Variants in WDR93 observed in about 807,000 individuals in gnomAD.
WDR93 encodes WD repeat domain 93.
Under a neutral mutation model 82.9 loss-of-function variants are expected in WDR93, and 73 were observed. The ratio of observed to expected loss-of-function variants is 0.88; its 90% confidence interval spans 0.73 to 1.07. The LOEUF is 1.07. WDR93 is among the 50% of genes least tolerant of loss of function. The probability of loss-of-function intolerance (pLI) is 0.00; values close to 1 mark genes in which losing one functional copy is unlikely to be tolerated. For missense variants in WDR93, 738 were observed against 826.0 expected, an observed-to-expected ratio of 0.89 and a Z score of 1.31; for synonymous variants, 283 against 300.1, an observed-to-expected ratio of 0.94 and a Z score of 0.59.
intron 5 of WDR93, among the ~76,000 whole-genome samples, chr15:89,712,394 A>AT (rs1177405888): frequency 1.6e-5 from 1 of 61,680 alleles, no homozygotes; most frequent in Admixed American, 1.3e-4. Context: ...TTTTCCACTA[A>AT]TCTTTTTTTT....
At chr15:89,702,452 A>G (rs541343932) in intron 2 of WDR93, among the ~76,000 whole-genome samples, 1 of 152,188 alleles carries the variant, frequency 6.6e-6, no homozygotes, top group South Asian at 2.1e-4. Context: ...GTTTTTCTCT[A>G]TTCTCTTTGC....
rs368632421 is a variant in WDR93 at position 89,712,898 on chromosome 15, G to A, written c.640+794G>A. ...CCAGCACTTTGGGAGGCCAAGGCAG[G>A]CGGATCACCTGAGGTCAGGAGTTCA... On this transcript the variant is annotated intron_variant, in intron 5 of 16. Coordinates refer to ENST00000268130, the MANE Select transcript of WDR93 (RefSeq NM_020212.2). 4.6e-3 allele frequency among the ~76,000 whole-genome samples: 703 copies of A among 152,204 alleles called. 3 individuals are homozygous for A. The highest frequency in any genetic ancestry group is 0.016 in the African/African-American group (662 of 41,528).
chr15:89,701,999 G>A lies in WDR93; in HGVS notation c.253G>A (p.Glu85Lys), dbSNP rs1279918216. 1 of 1,612,902 alleles carries A rather than the reference G, an allele frequency of 6.2e-7. No individual in the cohort carries two copies. The highest frequency in any genetic ancestry group is 8.5e-7 in the Non-Finnish European group (1 of 1,179,960). The stretch of plus-strand genomic sequence containing the variant: ...AGAGAGAAACGCACTGAGGGAAGCT[G>A]AGAGCAGCCAGATCCAGCCCACCGT... ...IEERNALREA[E>K]SSQIQPTVYP... The change falls in exon 2 of 17, where the codon GAG (glutamate) becomes AAG (lysine). Residue 85 changes from glutamate to lysine, a missense_variant. By Grantham distance (56) the Glu-to-Lys change is moderately conservative. Transcript: ENST00000268130.
chr15:89,703,060 G>T lies in WDR93; in HGVS notation c.414G>T (p.Trp138Cys). The change falls in exon 3 of 17, where the codon TGG becomes TGT. Residue 138 changes from tryptophan to cysteine, a missense_variant. By Grantham distance (215) the Trp-to-Cys change is radical (BLOSUM62 -2). Transcript: ENST00000268130. ...NLYSAKQIYAWEKLKVDVTSI... is the reference protein window; with the variant it reads ...NLYSAKQIYACEKLKVDVTSI... ...ACAGTGCTAAACAAATATATGCGTG[G>T]GAGAAGCTTAAGGTTGATGTCACTT... 1 of 1,614,172 alleles carries T rather than the reference G, an allele frequency of 6.2e-7. No individual in the cohort carries two copies. Among genetic ancestry groups the T allele is most frequent in the Non-Finnish European group, 8.5e-7 (1 of 1,180,032 alleles).
intron 12 of WDR93, 112 bp downstream of exon 12, chr15:89,731,674 A>T: frequency 6.9e-7 from 1 of 1,454,256 alleles, no homozygotes; most frequent in African/African-American, 1.4e-5. Context: ...TGTGTTCTTA[A>T]AGTCACCTTG....
chr15:89,728,038 G>A (rs12148220), intron 9 of WDR93, among the ~76,000 whole-genome samples: 53,849 of 151,810 alleles, frequency 0.35, 9,810 homozygotes, highest in African/African-American at 0.39. Flanking sequence ...GCGAGATCAC[G>A]CCACTGCACT....
rs1209341016 is a variant in WDR93 at position 89,743,445 on chromosome 15, G to A, written c.*54G>A. On this transcript the variant is annotated 3_prime_UTR_variant, in exon 17 of 17. Transcript: ENST00000268130. Reference sequence around the variant, plus strand: ...AGGAGGTTTCAGCCACGAGGCAGCTGCTCCCAGGACACTGAGGCCAAGAGA... The same window carrying A: ...AGGAGGTTTCAGCCACGAGGCAGCTACTCCCAGGACACTGAGGCCAAGAGA... The A allele has an allele frequency of 6.4e-7, 1 of 1,566,518 alleles. No individual in the cohort carries two copies. Among genetic ancestry groups the A allele is most frequent in the Non-Finnish European group, 8.8e-7 (1 of 1,139,668 alleles).
At chr15:89,720,454 G>A (rs1259802627) in intron 7 of WDR93, among the ~76,000 whole-genome samples, 1 of 152,022 alleles carries the variant, frequency 6.6e-6, no homozygotes, top group East Asian at 1.9e-4. Context: ...TGTATTTTTA[G>A]TAGAGATGGG....
At chr15:89,717,574 T>TA (rs1966321394) in intron 7 of WDR93, among the ~76,000 whole-genome samples, 1 of 152,216 alleles carries the variant, frequency 6.6e-6, no homozygotes, top group Admixed American at 6.5e-5. Flanking sequence ...GGCCCCTCAC[T>TA]TGGGCCCCTG....
chr15:89,723,263 A>C (rs1228890020), intron 8 of WDR93, among the ~76,000 whole-genome samples: 1 of 151,956 alleles, frequency 6.6e-6, no homozygotes, highest in Non-Finnish European at 1.5e-5. Flanking sequence ...ATACAAAAGA[A>C]TACTTTGCAA....
chr15:89,729,657 CTG>C (rs2141685028), intron 10 of WDR93, 24 bp from the exon 11 acceptor site: 2 of 1,593,594 alleles, frequency 1.3e-6, no homozygotes, highest in South Asian at 1.1e-5. Context: ...CACCCATTTT[CTG>C]TCTTTCCCCC....
At chr15:89,702,544 G>GA (rs947407860) in intron 2 of WDR93, among the ~76,000 whole-genome samples, 8 of 76,018 alleles carry the variant, frequency 1.1e-4, no homozygotes, top group African/African-American at 9.5e-4. Flanking sequence ...GTTGTTTTTT[G>GA]GGGTTTTTTT....
chr15:89,738,361 T>C, intron 16 of WDR93, 125 bp downstream of exon 16: 1 of 1,178,400 alleles, frequency 8.5e-7, no homozygotes, highest in East Asian at 2.5e-5. Context: ...GCGTGGTGGC[T>C]CACGCCTGTA....
intron 1 of WDR93, among the ~76,000 whole-genome samples, chr15:89,701,465 T>C (rs190910930): frequency 3.2e-4 from 49 of 152,260 alleles, no homozygotes; most frequent in African/African-American, 1.2e-3. Flanking sequence ...GGTATAAAAT[T>C]CCTCTTTCCT....
chr15:89,711,903 C>G (rs1965996272), intron 4 of WDR93, 123 bp from the exon 5 acceptor site: 1 of 558,846 alleles, frequency 1.8e-6, no homozygotes, highest in South Asian at 3.6e-5. Flanking sequence ...CAGTTTGAAG[C>G]ATCTTTTCAT....
chr15:89,708,374 C>G (rs755375463), intron 4 of WDR93, among the ~76,000 whole-genome samples: 49 of 152,238 alleles, frequency 3.2e-4, no homozygotes, highest in Non-Finnish European at 6.6e-4. Context: ...CCCTGAACAG[C>G]CCCACCTCCA....
intron 4 of WDR93, among the ~76,000 whole-genome samples, chr15:89,710,245 C>T (rs530387274): frequency 1.4e-4 from 22 of 152,202 alleles, no homozygotes; most frequent in South Asian, 6.2e-4. Context: ...GAACACTAAT[C>T]GGCAATAATA....
Position 89,731,543 on chromosome 15 carries a change from G to A in WDR93, c.1311G>A (p.Thr437=), listed in dbSNP as rs35601844. The part of the protein sequence containing the change: ...LVLACEDGVL[T]LWDLAKGFPL... ...TGGCCTGCGAGGATGGTGTGCTCAC[G>A]CTGTGGGACCTGGCCAAAGGTAAGT... Residue 437 remains threonine, a synonymous_variant, in exon 12 of 17, where the codon ACG becomes ACA. Coordinates refer to ENST00000268130, the MANE Select transcript of WDR93 (RefSeq NM_020212.2). 1,682 of 1,614,106 alleles carry A rather than the reference G, an allele frequency of 1.0e-3. 10 individuals are homozygous for A. In the African/African-American group the frequency reaches 0.02, roughly 20 times the overall value.
chr15:89,694,041 A>G (rs1020582480), intron 1 of WDR93, among the ~76,000 whole-genome samples: 19 of 152,160 alleles, frequency 1.2e-4, no homozygotes, highest in Non-Finnish European at 1.9e-4. Flanking sequence ...CTTATTGTAC[A>G]TCTTCAACAA....
Sources: allele counts gnomAD v4.1 joint callset (sites outside exome capture counted in the v4.1 genomes callset), GRCh38; gene constraint gnomAD v4.1.1; transcripts MANE v1.5; gene names NCBI Gene and HGNC (gene_info 2026-07-23, HGNC 2026-07-21).